PCDHA7: variants seen among roughly 807,000 people sequenced by gnomAD.
PCDHA7 encodes the protein protocadherin alpha-7.
In PCDHA7, 37 loss-of-function variants were observed where a neutral mutation model predicts 57.2. The observed-to-expected ratio is 0.65, with a 90% confidence interval of 0.50 to 0.85. The LOEUF is 0.85. Ranked by LOEUF, PCDHA7 falls within the 40% of genes least tolerant of loss-of-function variation. The pLI, the probability that PCDHA7 is intolerant of heterozygous loss-of-function variation, is 0.00. For synonymous variants in PCDHA7, 553 were observed against 558.8 expected, an observed-to-expected ratio of 0.99 and a Z score of 0.15; for missense variants, 1,188 against 1,241.8, an observed-to-expected ratio of 0.96 and a Z score of 0.65.
At chr5:140,858,769 A>T in intron 1 of PCDHA7, 1 of 441,686 alleles carries the variant, frequency 2.3e-6, no homozygotes, top group Non-Finnish European at 4.1e-6. Flanking sequence ...TATTTGTGAG[A>T]TTAGTACTTC....
intron 1 of PCDHA7, among the ~76,000 whole-genome samples, chr5:140,972,784 C>T (rs2096555970): frequency 1.3e-5 from 2 of 151,762 alleles, no homozygotes; most frequent in South Asian, 4.2e-4. Context: ...CTGCCTCAGC[C>T]TCCTGAGTAG....
In PCDHA7 at chr5:140,841,101, CG is replaced by C. The variant is rs1220554123; in HGVS notation, c.2355+4365del. 6.9e-6 allele frequency: 4 copies of C among 575,664 alleles called. No individual in the cohort carries two copies. The African/African-American group carries it at 7.5e-5, about 11-fold the overall frequency. The allele number at this position is 575,664 out of a possible 1,614,324, so 35.7% of individuals were successfully genotyped here. A position where few individuals can be genotyped will look rare whatever the true frequency, so the allele number is the denominator to read the frequency against. ...AGTGCATAGAAGAACCCAGATATTG[CG>C]GAAGTAATTCATGTAATCATTACCT... On this transcript the variant is annotated intron_variant, in intron 1 of 3. Coordinates refer to ENST00000525929, the MANE Select transcript of PCDHA7 (RefSeq NM_018910.3).
chr5:140,870,078 G>C (rs2051638531), intron 1 of PCDHA7: 1 of 1,613,720 alleles, frequency 6.2e-7, no homozygotes, highest in African/African-American at 1.3e-5. Flanking sequence ...CAGATAAGGG[G>C]ACTCCCCCAA....
At chr5:140,880,493 T>C (rs910431574) in intron 1 of PCDHA7, among the ~76,000 whole-genome samples, 31 of 152,204 alleles carry the variant, frequency 2.0e-4, no homozygotes, top group African/African-American at 7.2e-4. Context: ...AAGAGAGCAA[T>C]TGAATTTCTG....
intron 1 of PCDHA7, chr5:140,841,962 C>T (rs1342346203): frequency 1.2e-6 from 2 of 1,613,786 alleles, no homozygotes; most frequent in Non-Finnish European, 1.7e-6. Context: ...TTCCTGACAG[C>T]CACAGATGGG....
At chr5:140,892,885 ACCAACCTTTCC>A (rs1269753589) in intron 1 of PCDHA7, among the ~76,000 whole-genome samples, 1 of 152,154 alleles carries the variant, frequency 6.6e-6, no homozygotes, top group Non-Finnish European at 1.5e-5. Flanking sequence ...GTATCCATTA[ACCAACCTTTCC>A]CCATCCTCCT....
In PCDHA7 at chr5:140,876,316, A is replaced by G. The variant is rs782671827; in HGVS notation, c.2355+39578A>G. ...TAATGGAGAAATTTCCTATGGGATC[A>G]AAATGATTTTGCCAGTGAGTGAGAA... is the stretch of plus-strand genomic sequence containing the variant. On this transcript the variant is annotated intron_variant, in intron 1 of 3. Transcript: ENST00000525929. 4 of 1,613,952 alleles carry G rather than the reference A, an allele frequency of 2.5e-6. No individual in the cohort carries two copies. Among genetic ancestry groups the G allele is most frequent in the Admixed American group, 3.3e-5 (2 of 60,018 alleles).
chr5:140,836,630 A>G lies in PCDHA7; in HGVS notation c.2247A>G (p.Ser749=). ...LVCSSAVGSW[S]FSQQRRQRVC... is the part of the protein sequence containing the mutation. ...GCTCCAGCGCGGTGGGGAGCTGGTCATTCTCCCAGCAGAGGCGGCAGAGGG... is the reference window on the plus strand; with the variant it reads ...GCTCCAGCGCGGTGGGGAGCTGGTCGTTCTCCCAGCAGAGGCGGCAGAGGG... The change falls in exon 1 of 4, where the codon TCA becomes TCG. Residue 749 remains serine (S), a synonymous_variant. Coordinates refer to ENST00000525929, the MANE Select transcript of PCDHA7 (RefSeq NM_018910.3). 3 of 1,613,502 alleles carry G rather than the reference A, an allele frequency of 1.9e-6. No individual in the cohort carries two copies. Among genetic ancestry groups the G allele is most frequent in the South Asian group, 1.1e-5 (1 of 91,070 alleles).
chr5:140,970,210 C>G (rs184537292), intron 1 of PCDHA7, among the ~76,000 whole-genome samples: 1 of 152,190 alleles, frequency 6.6e-6, no homozygotes, highest in Non-Finnish European at 1.5e-5. Context: ...CTGAATTTAG[C>G]TTAAATGCAG....
intron 1 of PCDHA7, among the ~76,000 whole-genome samples, chr5:140,953,068 C>A (rs1243228817): frequency 6.6e-6 from 1 of 152,198 alleles, no homozygotes; most frequent in East Asian, 1.9e-4. Context: ...CAGGCCCCAT[C>A]TCCAACATTG....
intron 1 of PCDHA7, chr5:140,882,431 G>A (rs374040153): frequency 1.2e-6 from 2 of 1,614,044 alleles, no homozygotes; most frequent in Non-Finnish European, 8.5e-7. Flanking sequence ...CCTGGGGCTG[G>A]AGCTGGCGGA....
rs373157192 is a variant in PCDHA7, at chr5:140,869,487, C to G, written c.2355+32749C>G. On this transcript the variant is annotated intron_variant, in intron 1 of 3. Transcript: ENST00000525929. ...ACGTGGAGGTGAAGGACATTAACGA[C>G]AACCCGCCGGTGTTCTCGCTCAGAG... The G allele has an allele frequency of 3.1e-6, 5 of 1,614,180 alleles. No homozygotes were observed. The South Asian group carries it at 5.5e-5, about 18-fold the overall frequency.
intron 1 of PCDHA7, chr5:140,841,999 T>A: frequency 6.2e-7 from 1 of 1,613,818 alleles, no homozygotes; most frequent in Non-Finnish European, 8.5e-7. Context: ...CAGGCACTGT[T>A]CAGCTGCTGG....
intron 1 of PCDHA7, chr5:140,876,688 T>A (rs1382110439): frequency 2.5e-6 from 4 of 1,614,172 alleles, no homozygotes; most frequent in Non-Finnish European, 3.4e-6. Context: ...GAATTACTAC[T>A]CGTTGGTGCT....
intron 1 of PCDHA7, among the ~76,000 whole-genome samples, chr5:140,926,112 A>G (rs556372882): frequency 3.3e-4 from 51 of 152,258 alleles, no homozygotes; most frequent in African/African-American, 1.2e-3. Context: ...AAGAGGGTGC[A>G]GGACAGACTT....
intron 1 of PCDHA7, among the ~76,000 whole-genome samples, chr5:140,977,853 C>T (rs2096777992): frequency 6.6e-6 from 1 of 152,212 alleles, no homozygotes; most frequent in Admixed American, 6.5e-5. Context: ...GGCTTTGTTT[C>T]TACCAAATAT....
intron 1 of PCDHA7, chr5:140,869,875 G>C: frequency 1.2e-6 from 2 of 1,610,396 alleles, no homozygotes. Flanking sequence ...TGCTGCTAAA[G>C]AAACTCTTGT....
intron 1 of PCDHA7, chr5:140,884,177 C>G (rs1405519238): frequency 1.9e-6 from 3 of 1,613,322 alleles, no homozygotes; most frequent in South Asian, 1.1e-5. Flanking sequence ...GACGCGCCCT[C>G]TGGACGAGGT....
At position 140,848,676 on chromosome 5, in the gene PCDHA7, C is replaced by A. The variant is rs2150416820; in HGVS notation, c.2355+11938C>A. 8.2e-6 allele frequency: 13 copies of A among 1,592,292 alleles called. 1 individual carries two copies. The African/African-American group carries it at 1.1e-4, about 13-fold the overall frequency. ...GGGGCTGGAGCTGGCGGAGCTGGTG[C>A]CGCGCCTGTTCCAGTTGGATTCCAA... On this transcript the variant is annotated intron_variant, in intron 1 of 3. Transcript: ENST00000525929.
Sources: allele counts gnomAD v4.1 joint callset (sites outside exome capture counted in the v4.1 genomes callset), GRCh38; gene constraint gnomAD v4.1.1; transcripts MANE v1.5; gene names NCBI Gene and HGNC (gene_info 2026-07-23, HGNC 2026-07-21).